ZNF831: variants seen among roughly 807,000 people sequenced by gnomAD.
The protein encoded by ZNF831 is zinc finger protein 831.
Under a neutral mutation model 95.8 loss-of-function variants are expected in ZNF831, and 59 were observed. The observed-to-expected ratio is 0.62, with a 90% CI of 0.50 to 0.77. The LOEUF (loss-of-function observed/expected upper bound fraction) is 0.77, where lower values mean the gene tolerates loss of function less well. Among genes scored for constraint, ZNF831 ranks in the 30% least tolerant of loss-of-function variants. The pLI is 0.00. For synonymous variants in ZNF831, 961 were observed against 925.5 expected (o/e 1.04, Z -0.70); for missense variants, 2,205 against 2,164.0 (o/e 1.02, Z -0.38).
intron 1 of ZNF831, among the ~76,000 whole-genome samples, chr20:59,124,753 C>T (rs992715354): frequency 3.9e-5 from 6 of 152,192 alleles, no homozygotes; most frequent in African/African-American, 9.7e-5. Context: ...CTGGCCCCTT[C>T]GAGAGGCTCA....
At chr20:59,239,806 G>C (rs951908604) in intron 4 of ZNF831, among the ~76,000 whole-genome samples, 1 of 152,162 alleles carries the variant, frequency 6.6e-6, no homozygotes, top group Non-Finnish European at 1.5e-5. Context: ...TGGCCTCCCA[G>C]AGTGCTGGGA....
intron 1 of ZNF831, among the ~76,000 whole-genome samples, chr20:59,144,498 G>A (rs964537257): frequency 6.6e-6 from 1 of 152,148 alleles, no homozygotes; most frequent in Admixed American, 6.5e-5. Flanking sequence ...AATTAAAAAT[G>A]TCCTCAGACA....
chr20:59,159,801 G>A (rs1247888267), upstream of ZNF831: 1 of 152,348 alleles, frequency 6.6e-6, no homozygotes, highest in Non-Finnish European at 1.5e-5. Context: ...GAGGAGCCCT[G>A]GGTTCCGCTG....
At chr20:59,216,556 A>G (rs896888946) in intron 4 of ZNF831, among the ~76,000 whole-genome samples, 29 of 152,224 alleles carry the variant, frequency 1.9e-4, no homozygotes, top group African/African-American at 6.5e-4. Context: ...TTGGGAGCCC[A>G]TGGTGGGCAT....
At chr20:59,201,144 G>A (rs1006705000) in intron 3 of ZNF831, among the ~76,000 whole-genome samples, 1 of 152,038 alleles carries the variant, frequency 6.6e-6, no homozygotes, top group African/African-American at 2.4e-5. Context: ...GCCAACACTT[G>A]GTATGGTAAT....
At chr20:59,232,345 TATA>T (rs1379819261) in intron 4 of ZNF831, among the ~76,000 whole-genome samples, 1 of 152,126 alleles carries the variant, frequency 6.6e-6, no homozygotes, top group African/African-American at 2.4e-5. Flanking sequence ...AAAATATGAT[TATA>T]ATCAGTGAGA....
chr20:59,158,996 TG>T (rs1210232481), upstream of ZNF831, among the ~76,000 whole-genome samples: 1 of 152,118 alleles, frequency 6.6e-6, no homozygotes, highest in Non-Finnish European at 1.5e-5. Context: ...CAAGCCAGGG[TG>T]GGTGGTGATT....
At chr20:59,195,344 G>A (rs1984007459) in intron 2 of ZNF831, among the ~76,000 whole-genome samples, 1 of 152,194 alleles carries the variant, frequency 6.6e-6, no homozygotes. Context: ...GATGACTGAG[G>A]GCTTAGTCCT....
intron 4 of ZNF831, among the ~76,000 whole-genome samples, chr20:59,225,346 A>T (rs1329403260): frequency 3.3e-5 from 5 of 152,154 alleles, no homozygotes; most frequent in African/African-American, 1.2e-4. Flanking sequence ...TTTGGTCCTG[A>T]CAGCTCAAGT....
chr20:59,193,008 G>T lies in ZNF831; in HGVS notation c.1989G>T (p.Glu663Asp). Residue 663 changes from glutamate (E) to aspartate (D), a missense_variant, in exon 2 of 6, where the codon GAG (glutamate) becomes GAT (aspartate). Glu to Asp is a conservative substitution (Grantham distance 45). Transcript: ENST00000371030. ...GAELGFPLQK[E>D]AAGSSGTVPT... The stretch of plus-strand genomic sequence containing the variant: ...AACTGGGCTTTCCTCTGCAGAAAGA[G>T]GCAGCAGGGAGCTCAGGCACAGTCC... 6.3e-7 allele frequency: 1 copy of T among 1,575,106 alleles called. No homozygotes were observed. Among genetic ancestry groups the T allele is most frequent in the Non-Finnish European group, 8.6e-7 (1 of 1,162,222 alleles).
At chr20:59,145,877 C>T (rs1198093614) in intron 1 of ZNF831, among the ~76,000 whole-genome samples, 3 of 152,116 alleles carry the variant, frequency 2.0e-5, no homozygotes, top group African/African-American at 4.8e-5. Flanking sequence ...CCCACCCTCA[C>T]CCTCCTCCTC....
intron 1 of ZNF831, among the ~76,000 whole-genome samples, chr20:59,138,738 C>T (rs137973759): frequency 1.8e-4 from 28 of 152,338 alleles, no homozygotes; most frequent in African/African-American, 6.5e-4. Context: ...CAGACAGCAG[C>T]TTCTCCATCA....
rs771287739 is a variant in ZNF831, at chr20:59,192,208, C to G, written c.1189C>G (p.Leu397Val). The G allele has an allele frequency of 1.3e-6, 2 of 1,584,412 alleles. No individual in the cohort carries two copies. Among genetic ancestry groups the G allele is most frequent in the African/African-American group, 2.7e-5 (2 of 74,172 alleles). Residue 397 changes from leucine to valine, a missense_variant, in exon 2 of 6, where the codon CTG becomes GTG. Coordinates refer to ENST00000371030, the MANE Select transcript of ZNF831 (RefSeq NM_178457.3). The surrounding 1 kb of genome is among the most constrained non-coding windows in gnomAD (Gnocchi z 5.2). ...CGAGCCCGGGGCGCGAGAAGCCGGC[C>G]TGGAGCTGGAGAAGAAGCGGCTGGA... ...GAEPGAREAGLELEKKRLEER... is the reference protein window; with the variant it reads ...GAEPGAREAGVELEKKRLEER...
chr20:59,202,254 TTTTA>T (rs1208931254), intron 3 of ZNF831, among the ~76,000 whole-genome samples: 3 of 151,934 alleles, frequency 2.0e-5, no homozygotes, highest in African/African-American at 4.8e-5. Context: ...TTCCAAAAAG[TTTTA>T]TTTAATTATT....
chr20:59,146,006 G>C (rs552388134), intron 1 of ZNF831, among the ~76,000 whole-genome samples: 58 of 152,238 alleles, frequency 3.8e-4, no homozygotes, highest in Non-Finnish European at 7.4e-4. Flanking sequence ...TCAGTGTAAT[G>C]GTTTGAAACC....
At chr20:59,129,500 G>A (rs1230679519) in intron 1 of ZNF831, among the ~76,000 whole-genome samples, 7 of 152,114 alleles carry the variant, frequency 4.6e-5, no homozygotes, top group Non-Finnish European at 7.4e-5. Flanking sequence ...GCGGGCGCCT[G>A]TAATCCTAGC....
At chr20:59,125,079 C>T (rs1277341871) in intron 1 of ZNF831, among the ~76,000 whole-genome samples, 1 of 152,180 alleles carries the variant, frequency 6.6e-6, no homozygotes, top group East Asian at 1.9e-4. Context: ...AGAGATGTCT[C>T]TTTTCTTTGG....
chr20:59,126,304 T>C (rs959043771), intron 1 of ZNF831, among the ~76,000 whole-genome samples: 1 of 152,116 alleles, frequency 6.6e-6, no homozygotes, highest in East Asian at 1.9e-4. Context: ...TAAAATAACA[T>C]GAAGTCCCTA....
chr20:59,175,306 A>G (rs909738002), intron 1 of ZNF831, among the ~76,000 whole-genome samples: 5 of 152,062 alleles, frequency 3.3e-5, no homozygotes, highest in Non-Finnish European at 5.9e-5. Context: ...GCTCCTGAAC[A>G]TTATTTGAGC....
Sources: allele counts gnomAD v4.1 joint callset (sites outside exome capture counted in the v4.1 genomes callset), GRCh38; gene constraint gnomAD v4.1.1; non-coding constraint Gnocchi (gnomAD v3.1); transcripts MANE v1.5; gene names NCBI Gene and HGNC (gene_info 2026-07-23, HGNC 2026-07-21).